Variants in TFEC observed in about 807,000 individuals in gnomAD.
The protein encoded by TFEC is class E basic helix-loop-helix protein 34.
Under a neutral mutation model 41.6 loss-of-function variants are expected in TFEC, and 31 were observed. The ratio of observed to expected loss-of-function variants is 0.74; its 90% confidence interval spans 0.56 to 1.01. TFEC has a LOEUF of 1.01. Among genes scored for constraint, TFEC ranks in the 50% least tolerant of loss-of-function variants. The pLI, the probability that TFEC is intolerant of heterozygous loss-of-function variation, is 0.00. For missense variants in TFEC, 402 were observed against 404.1 expected (o/e 0.99, Z 0.04); for synonymous variants, 143 against 140.6 (o/e 1.02, Z -0.12).
intron 1 of TFEC, among the ~76,000 whole-genome samples, chr7:116,021,137 C>T (rs1351536867): frequency 1.3e-5 from 2 of 152,136 alleles, no homozygotes; most frequent in Non-Finnish European, 2.9e-5. Flanking sequence ...TATATAAAAG[C>T]ATTTCCTTTT....
At chr7:116,147,262 G>C (rs928033055) in intron 1 of TFEC, among the ~76,000 whole-genome samples, 1 of 152,052 alleles carries the variant, frequency 6.6e-6, no homozygotes. Flanking sequence ...GTTTTTATCA[G>C]AATTACATAA....
intron 1 of TFEC, among the ~76,000 whole-genome samples, chr7:116,028,624 G>A (rs1382327571): frequency 6.6e-6 from 1 of 152,136 alleles, no homozygotes; most frequent in East Asian, 1.9e-4. Flanking sequence ...TTCTGGATCT[G>A]CTATCACTCC....
chr7:115,970,961 G>C (rs1050010255), intron 3 of TFEC, among the ~76,000 whole-genome samples: 1 of 151,924 alleles, frequency 6.6e-6, no homozygotes, highest in Non-Finnish European at 1.5e-5. Context: ...AATGTAAAAT[G>C]GACTAACGCA....
intron 1 of TFEC, among the ~76,000 whole-genome samples, chr7:116,140,516 C>T (rs1010463526): frequency 6.6e-6 from 1 of 152,178 alleles, no homozygotes; most frequent in African/African-American, 2.4e-5. Context: ...CTGACAAGAA[C>T]TTTTATATAA....
At chr7:116,037,385 A>G (rs73448924) in intron 3 of TFEC, among the ~76,000 whole-genome samples, 156 of 152,152 alleles carry the variant, frequency 1.0e-3, no homozygotes, top group African/African-American at 3.6e-3. Context: ...ATTTAGAAAT[A>G]AAGTCCAAAA....
At chr7:116,030,925 T>C, upstream of TFEC, 2 of 692,918 alleles carry the variant, frequency 2.9e-6, no homozygotes, top group African/African-American at 1.9e-5. Flanking sequence ...AATATGCCAC[T>C]AATTTGAGAA....
intron 3 of TFEC, among the ~76,000 whole-genome samples, chr7:116,055,982 T>G (rs1365401565): frequency 6.6e-6 from 1 of 152,108 alleles, no homozygotes; most frequent in African/African-American, 2.4e-5. Context: ...AACATATTAT[T>G]GAAATCTCAC....
intron 5 of TFEC, among the ~76,000 whole-genome samples, chr7:115,951,858 A>T (rs542346376): frequency 1.2e-4 from 19 of 152,124 alleles, no homozygotes; most frequent in African/African-American, 3.6e-4. Context: ...ATATCTGTCA[A>T]ATTTCCTGTA....
At chr7:115,955,580 CA>C (rs1268967944) in intron 4 of TFEC, among the ~76,000 whole-genome samples, 1 of 152,034 alleles carries the variant, frequency 6.6e-6, no homozygotes, top group Non-Finnish European at 1.5e-5. Context: ...ACTACAGCCT[CA>C]TAAGAGATTC....
intron 3 of TFEC, among the ~76,000 whole-genome samples, chr7:116,086,966 T>C (rs1190033722): frequency 6.6e-6 from 1 of 151,960 alleles, no homozygotes; most frequent in African/African-American, 2.4e-5. Context: ...TGAAGTGACA[T>C]CATTAGCGCA....
chr7:116,107,840 G>C (rs546953423), intron 3 of TFEC, among the ~76,000 whole-genome samples: 2 of 152,284 alleles, frequency 1.3e-5, no homozygotes, highest in South Asian at 4.1e-4. Flanking sequence ...AAATCTCTGA[G>C]CCTTAGTTCA....
chr7:116,132,493 A>G (rs557466658), intron 1 of TFEC, among the ~76,000 whole-genome samples: 1 of 152,346 alleles, frequency 6.6e-6, no homozygotes, highest in African/African-American at 2.4e-5. Flanking sequence ...AATAAAGTTA[A>G]TAATTTTTAC....
At chr7:116,055,581 A>C (rs928457640) in intron 3 of TFEC, among the ~76,000 whole-genome samples, 2 of 152,044 alleles carry the variant, frequency 1.3e-5, no homozygotes, top group African/African-American at 4.8e-5. Context: ...TGGATTATAT[A>C]TTACAAAAAT....
chr7:116,044,687 G>T (rs575785520), intron 3 of TFEC, among the ~76,000 whole-genome samples: 158 of 152,348 alleles, frequency 1.0e-3, no homozygotes, highest in African/African-American at 3.5e-3. Flanking sequence ...GCCAGATGCT[G>T]GGTATCATTT....
chr7:116,076,848 T>C (rs1584487108), intron 3 of TFEC, among the ~76,000 whole-genome samples: 1 of 152,210 alleles, frequency 6.6e-6, no homozygotes, highest in East Asian at 1.9e-4. Flanking sequence ...TTGGTAAACA[T>C]ACTTGAGAAA....
At chr7:115,946,497 C>G (rs1791566257) in intron 6 of TFEC, among the ~76,000 whole-genome samples, 1 of 149,582 alleles carries the variant, frequency 6.7e-6, no homozygotes. Context: ...CTCACTTAAG[C>G]CTTGAAATCC....
At chr7:115,983,631 C>T (rs1437148984) in intron 2 of TFEC, among the ~76,000 whole-genome samples, 1 of 152,102 alleles carries the variant, frequency 6.6e-6, no homozygotes, top group East Asian at 1.9e-4. Flanking sequence ...ATTCATACTT[C>T]AACATTTTCT....
upstream of TFEC, among the ~76,000 whole-genome samples, chr7:116,033,591 C>T (rs1241697203): frequency 6.6e-6 from 1 of 151,998 alleles, no homozygotes; most frequent in Non-Finnish European, 1.5e-5. Flanking sequence ...CCCAAATACT[C>T]CCATTTGTTA....
intron 3 of TFEC, among the ~76,000 whole-genome samples, chr7:116,056,042 G>C (rs1796422070): frequency 6.6e-6 from 1 of 151,944 alleles, no homozygotes; most frequent in South Asian, 2.1e-4. Flanking sequence ...GGATATTACT[G>C]TATCCAACCA....
Sources: allele counts gnomAD v4.1 joint callset (sites outside exome capture counted in the v4.1 genomes callset), GRCh38; gene constraint gnomAD v4.1.1; transcripts MANE v1.5; gene names NCBI Gene and HGNC (gene_info 2026-07-23, HGNC 2026-07-21).